ANKRD30B: variants seen among roughly 807,000 people sequenced by gnomAD.
The protein encoded by ANKRD30B is ankyrin repeat domain-containing protein 30B.
Under a neutral mutation model 202.2 loss-of-function variants are expected in ANKRD30B, and 144 were observed. The ratio of observed to expected loss-of-function variants is 0.71; its 90% confidence interval spans 0.62 to 0.82. The LOEUF (loss-of-function observed/expected upper bound fraction) is 0.82. Among genes scored for constraint, ANKRD30B ranks in the 40% least tolerant of loss-of-function variants. The pLI is 0.00. For missense variants in ANKRD30B, 1,487 were observed against 1,669.1 expected (o/e 0.89, Z 1.90); for synonymous variants, 508 against 561.3 (o/e 0.91, Z 1.34).
At position 14,763,739 on chromosome 18, in the gene ANKRD30B, C is replaced by A; in HGVS notation, c.874C>A (p.Pro292Thr). The A allele has an allele frequency of 6.2e-7, 1 of 1,614,000 alleles. No homozygotes were observed. The highest frequency in any genetic ancestry group is 8.5e-7 in the Non-Finnish European group (1 of 1,179,998). ...DEAAPLAERT[P>T]DTAESLLEKT... ...GGCTGCACCCTTGGCGGAAAGAACA[C>A]CTGACACGGCTGAAAGCTTGCTGGA... is the stretch of plus-strand genomic sequence containing the variant. The change falls in exon 7 of 44, where the codon CCT (proline) becomes ACT (threonine). Residue 292 changes from proline to threonine, a missense_variant. Pro to Thr is a conservative substitution (Grantham distance 38, BLOSUM62 -1). This residue lies in a region of ANKRD30B where 889 missense variants were observed against 841.4 expected (regional missense o/e 1.06). Coordinates refer to ENST00000690538, the MANE Select transcript of ANKRD30B (RefSeq NM_001367607.2).
At chr18:14,838,470 C>T (rs1173773399) in intron 36 of ANKRD30B, among the ~76,000 whole-genome samples, 1 of 152,186 alleles carries the variant, frequency 6.6e-6, no homozygotes, top group East Asian at 1.9e-4. Flanking sequence ...ACCTGTAAAA[C>T]TATAATAACA....
the ANKRD30B span, among the ~76,000 whole-genome samples, chr18:14,884,946 G>A: frequency 6.6e-6 from 1 of 152,218 alleles, no homozygotes; most frequent in East Asian, 1.9e-4. Context: ...GGAATAAAGA[G>A]TAGCTGACAA....
chr18:14,758,637 C>A (rs2143689312), intron 5 of ANKRD30B, among the ~76,000 whole-genome samples: 1 of 152,330 alleles, frequency 6.6e-6, no homozygotes, highest in Middle Eastern at 3.4e-3. Context: ...TCTTTTGCCA[C>A]ACACATAGTG....
the ANKRD30B span, among the ~76,000 whole-genome samples, chr18:14,876,538 C>G: frequency 6.6e-6 from 1 of 152,172 alleles, no homozygotes; most frequent in Admixed American, 6.6e-5. Flanking sequence ...TCCAGTCCTT[C>G]TCTCTTGGGT....
At chr18:14,833,411 G>A (rs1971039718) in intron 34 of ANKRD30B, among the ~76,000 whole-genome samples, 1 of 152,146 alleles carries the variant, frequency 6.6e-6, no homozygotes, top group African/African-American at 2.4e-5. Context: ...ACCACGCCCA[G>A]CTAATCTTTT....
At chr18:14,771,266 G>A (rs9748869) in intron 8 of ANKRD30B, among the ~76,000 whole-genome samples, 10,418 of 152,136 alleles carry the variant, frequency 0.068, 1,221 homozygotes, top group African/African-American at 0.24. Flanking sequence ...GAAAGATCTG[G>A]AAGTGAGAGA....
At chr18:14,873,829 G>A in the ANKRD30B span, among the ~76,000 whole-genome samples, 138 of 152,270 alleles carry the variant, frequency 9.1e-4, 1 homozygote, top group Non-Finnish European at 1.2e-4. Flanking sequence ...GAGTTAGCAA[G>A]TAGCAGTAGA....
At chr18:14,826,553 C>T (rs1970666465) in intron 32 of ANKRD30B, among the ~76,000 whole-genome samples, 1 of 152,034 alleles carries the variant, frequency 6.6e-6, no homozygotes, top group Admixed American at 6.6e-5. Flanking sequence ...GGGGAGTACA[C>T]ATGCCAGCAT....
In ANKRD30B at chr18:14,763,892, A is replaced by G. The variant is rs1200227777; in HGVS notation, c.1027A>G (p.Thr343Ala). The change falls in exon 7 of 44, where the codon ACA becomes GCA. Residue 343 changes from threonine to alanine, a missense_variant. Transcript: ENST00000690538. ...EETPRKILRPTKETSEKFSWP... is the reference protein window; with the variant it reads ...EETPRKILRPAKETSEKFSWP... ...AACACCTAGGAAAATTTTGAGGCCT[A>G]CAAAAGAAACATCTGAGAAATTTTC... 1 of 1,609,670 alleles carries G rather than the reference A, an allele frequency of 6.2e-7. No individual in the cohort carries two copies. The highest frequency in any genetic ancestry group is 8.5e-7 in the Non-Finnish European group (1 of 1,178,162).
chr18:14,766,493 A>AAAAAAAAAAAAAGAAAAGAAAAGAAAAG (rs1567989711), intron 7 of ANKRD30B, among the ~76,000 whole-genome samples: 3 of 84,990 alleles, frequency 3.5e-5, no homozygotes, highest in Non-Finnish European at 8.1e-5. Flanking sequence ...AAAAAAAAAA[A>AAAAAAAAAAAAAGAAAAGAAAAGAAAAG]AAAAGAAAAG....
chr18:14,848,090 G>A (rs1283472181), intron 39 of ANKRD30B, among the ~76,000 whole-genome samples: 2 of 151,980 alleles, frequency 1.3e-5, no homozygotes, highest in South Asian at 2.1e-4. Flanking sequence ...TTTGTTTCCT[G>A]TGTCAGGTCT....
the ANKRD30B span, among the ~76,000 whole-genome samples, chr18:14,916,243 A>G: frequency 6.6e-6 from 1 of 152,168 alleles, no homozygotes; most frequent in Non-Finnish European, 1.5e-5. Flanking sequence ...CTCTCCAGGA[A>G]GTGTGATCTG....
intron 14 of ANKRD30B, among the ~76,000 whole-genome samples, 179 bp downstream of exon 14, chr18:14,784,714 T>C (rs896059206): frequency 6.6e-6 from 1 of 150,926 alleles, no homozygotes; most frequent in Non-Finnish European, 1.5e-5. Context: ...ATTTTCAATA[T>C]ATTTTTTTTA....
At chr18:14,845,240 C>A (rs1407196348) in intron 39 of ANKRD30B, among the ~76,000 whole-genome samples, 1 of 152,002 alleles carries the variant, frequency 6.6e-6, no homozygotes, top group Admixed American at 6.6e-5. Flanking sequence ...ACATTTAAGT[C>A]TTTAATCCAT....
intron 33 of ANKRD30B, among the ~76,000 whole-genome samples, chr18:14,828,913 G>T (rs1970783656): frequency 6.6e-6 from 1 of 152,124 alleles, no homozygotes; most frequent in Admixed American, 6.5e-5. Context: ...TCTTAGTGGA[G>T]AATATCTACA....
chr18:14,896,560 ATTAT>A, the ANKRD30B span, among the ~76,000 whole-genome samples: 10 of 149,174 alleles, frequency 6.7e-5, no homozygotes, highest in African/African-American at 2.5e-4. Flanking sequence ...GACATTTTAC[ATTAT>A]TTATTTATGT....
chr18:14,863,180 C>T, the ANKRD30B span, among the ~76,000 whole-genome samples: 22 of 152,088 alleles, frequency 1.4e-4, no homozygotes, highest in African/African-American at 5.1e-4. Flanking sequence ...ATTTGGTGGG[C>T]ATAGGTGTGA....
At chr18:14,818,804 T>C (rs1011357527) in intron 30 of ANKRD30B, among the ~76,000 whole-genome samples, 1 of 152,116 alleles carries the variant, frequency 6.6e-6, no homozygotes, top group East Asian at 1.9e-4. Flanking sequence ...CTATTGTGAA[T>C]AATGCTGCAA....
At chr18:14,940,497 A>G in the ANKRD30B span, among the ~76,000 whole-genome samples, 2 of 152,234 alleles carry the variant, frequency 1.3e-5, no homozygotes, top group South Asian at 2.1e-4. Context: ...TGGAATGGAA[A>G]TGGCAAATGT....
Sources: gnomAD v4.1 joint callset for allele counts (sites outside exome capture counted in the v4.1 genomes callset) on GRCh38, gnomAD v4.1.1 for gene constraint, gnomAD v4.1.1 regional missense constraint, MANE v1.5 for transcripts, NCBI Gene and HGNC (gene_info 2026-07-23, HGNC 2026-07-21) for gene names.